The following VSTM4 variants were observed in gnomAD, a reference collection of about 807,000 sequenced individuals.
The protein encoded by VSTM4 is V-set and transmembrane domain-containing protein 4.
Under a neutral mutation model 36.4 loss-of-function variants are expected in VSTM4, and 20 were observed. The observed-to-expected ratio is 0.55, with a 90% CI of 0.39 to 0.80. The LOEUF (loss-of-function observed/expected upper bound fraction) is 0.80. VSTM4 is among the 30% of genes least tolerant of loss of function. The probability of loss-of-function intolerance (pLI) is 0.00; values close to 1 mark genes in which losing one functional copy is unlikely to be tolerated. For synonymous variants in VSTM4, 182 were observed against 173.9 expected, an observed-to-expected ratio of 1.05 and a Z score of -0.37; for missense variants, 392 against 404.5, an observed-to-expected ratio of 0.97 and a Z score of 0.26.
intron 2 of VSTM4, among the ~76,000 whole-genome samples, chr10:49,095,530 T>C (rs1194664146): frequency 6.6e-6 from 1 of 152,112 alleles, no homozygotes; most frequent in African/African-American, 2.4e-5. Context: ...TCTAAGTCCA[T>C]TGAGTTACTT....
At chr10:49,082,785 A>G (rs530734789) in intron 3 of VSTM4, among the ~76,000 whole-genome samples, 5 of 152,374 alleles carry the variant, frequency 3.3e-5, no homozygotes, top group African/African-American at 1.2e-4. Flanking sequence ...GTCTTTTGCC[A>G]TTGAACTTCC....
rs778379919 is a variant in VSTM4, at chr10:49,107,962, G to A, written c.89C>T (p.Pro30Leu). ...CTCCAGGTAGTCAACCACGGGCCCC[G>A]GGGACACAGTGACATTGAGGGCCGC... ...VCAALNVTVS[P>L]GPVVDYLEGE... The change falls in exon 2 of 8, where the codon CCG (proline) becomes CTG (leucine). Residue 30 changes from proline to leucine, a missense_variant. Physicochemically the swap from Pro to Leu is moderately conservative, Grantham distance 98. Transcript: ENST00000332853. 15 of 1,598,880 alleles carry A rather than the reference G, an allele frequency of 9.4e-6. No individual in the cohort carries two copies. Among genetic ancestry groups the A allele is most frequent in the East Asian group, 6.8e-5 (3 of 44,364 alleles).
At chr10:49,039,143 G>C (rs1416287986) in intron 7 of VSTM4, among the ~76,000 whole-genome samples, 1 of 152,126 alleles carries the variant, frequency 6.6e-6, no homozygotes, top group African/African-American at 2.4e-5. Context: ...GGGGCAGAGG[G>C]GAGGAGGCCT....
Position 49,077,233 on chromosome 10 carries a change from T to G in VSTM4, c.620A>C (p.Lys207Thr), listed in dbSNP as rs766423427. Reference sequence around the variant, plus strand: ...TGTTTTCTTACCTCTGGATTTCCGCTTGTTAAACACAGACTGCCAGACGAT... The same window carrying G: ...TGTTTTCTTACCTCTGGATTTCCGCGTGTTAAACACAGACTGCCAGACGAT... ...LVIVWQSVFNKRKSRVRHYLV... is the reference protein window; with the variant it reads ...LVIVWQSVFNTRKSRVRHYLV... The change falls in exon 4 of 8, where the codon AAG (lysine) becomes ACG (threonine). Residue 207 changes from lysine (K) to threonine (T), a missense_variant. Coordinates refer to ENST00000332853, the MANE Select transcript of VSTM4 (RefSeq NM_001031746.5). 10 of 1,613,978 alleles carry G rather than the reference T, an allele frequency of 6.2e-6. No individual in the cohort carries two copies. The African/African-American group carries it at 1.2e-4, about 19-fold the overall frequency.
At chr10:49,089,315 AC>A (rs997817598) in intron 2 of VSTM4, among the ~76,000 whole-genome samples, 2 of 151,960 alleles carry the variant, frequency 1.3e-5, no homozygotes, top group African/African-American at 4.8e-5. Flanking sequence ...TCTAACCTCC[AC>A]CCCCGCCAAC....
chr10:49,071,048 T>A (rs1808102194), intron 4 of VSTM4, among the ~76,000 whole-genome samples: 1 of 152,282 alleles, frequency 6.6e-6, no homozygotes, highest in South Asian at 2.1e-4. Context: ...TTCATCCTCA[T>A]GGAGAAGCAG....
intron 7 of VSTM4, among the ~76,000 whole-genome samples, chr10:49,022,121 AT>A (rs35764389): frequency 4.6e-4 from 53 of 115,018 alleles, no homozygotes; most frequent in Middle Eastern, 4.5e-3. Context: ...TAATGCATTT[AT>A]TTTTTTTTAT....
chr10:49,101,063 C>T (rs2132018235), intron 2 of VSTM4, among the ~76,000 whole-genome samples: 1 of 152,032 alleles, frequency 6.6e-6, no homozygotes, highest in African/African-American at 2.4e-5. Flanking sequence ...TTTTAATCAT[C>T]TAAAAATATT....
chr10:49,026,953 T>C (rs1177235469), intron 7 of VSTM4, among the ~76,000 whole-genome samples: 1 of 152,152 alleles, frequency 6.6e-6, no homozygotes, highest in Non-Finnish European at 1.5e-5. Flanking sequence ...TCCCTGAAAC[T>C]TCTCTAACAG....
At position 49,077,223 on chromosome 10, in the gene VSTM4, G is replaced by A. The variant is rs368733283; in HGVS notation, c.630C>T (p.Ser210=). The change falls in exon 4 of 8, where the codon TCC becomes TCT. Residue 210 remains serine (S), a synonymous_variant. Transcript: ENST00000332853. ...TGACCTTATCTGTTTTCTTACCTCT[G>A]GATTTCCGCTTGTTAAACACAGACT... ...VWQSVFNKRK[S]RVRHYLVKCP... is the part of the protein sequence containing the mutation. The A allele has an allele frequency of 5.0e-6, 8 of 1,613,724 alleles. No homozygotes were observed. Among genetic ancestry groups the A allele is most frequent in the Non-Finnish European group, 6.8e-6 (8 of 1,180,024 alleles).
At chr10:49,091,712 C>T (rs1844478193) in intron 2 of VSTM4, among the ~76,000 whole-genome samples, 1 of 152,222 alleles carries the variant, frequency 6.6e-6, no homozygotes, top group East Asian at 1.9e-4. Context: ...ACCAAGGACG[C>T]TGACATGCTT....
intron 1 of VSTM4, among the ~76,000 whole-genome samples, chr10:49,108,544 T>C (rs1844833834): frequency 2.6e-5 from 4 of 152,238 alleles, no homozygotes. Context: ...CTGACTCCGC[T>C]ATTTCAACTG....
In VSTM4 at chr10:49,080,002, GT is replaced by G. The variant is rs1844250763; in HGVS notation, c.527-2677del. 2.6e-5 allele frequency among the ~76,000 whole-genome samples: 4 copies of G among 152,046 alleles called. No homozygotes were observed. The South Asian group carries it at 8.3e-4, about 32-fold the overall frequency. On this transcript the variant is annotated intron_variant, in intron 3 of 7. Transcript: ENST00000332853. ...AATCATTTTGAAAAATATGATAAAA[GT>G]TTATCATATTAATATATCAGCAATG...
chr10:49,106,793 AG>A (rs1463581516), intron 2 of VSTM4, among the ~76,000 whole-genome samples: 10 of 152,344 alleles, frequency 6.6e-5, no homozygotes, highest in African/African-American at 2.2e-4. Context: ...CGGGCTCCTC[AG>A]AGCCCCTTCT....
chr10:49,076,831 G>C (rs1221559443), intron 4 of VSTM4, among the ~76,000 whole-genome samples: 2 of 152,156 alleles, frequency 1.3e-5, no homozygotes, highest in African/African-American at 2.4e-5. Flanking sequence ...ATTCCACTGA[G>C]GGAAGAGGGT....
At chr10:49,110,689 G>A (rs1844877326) in intron 1 of VSTM4, among the ~76,000 whole-genome samples, 1 of 152,006 alleles carries the variant, frequency 6.6e-6, no homozygotes, top group Non-Finnish European at 1.5e-5. Context: ...TATAAGAAGA[G>A]GAGATAAGAA....
chr10:49,050,067 C>G (rs368530233), intron 5 of VSTM4, among the ~76,000 whole-genome samples: 17 of 149,942 alleles, frequency 1.1e-4, no homozygotes, highest in African/African-American at 4.2e-4. Context: ...TCAGCAGGGA[C>G]TAGTTGAGTA....
In VSTM4 at chr10:49,015,114, T is replaced by C. The variant is rs1175267975; in HGVS notation, c.*4536A>G. Reference sequence around the variant, plus strand: ...CTATCCCAGACCTCCTGAGCCAGGATCTACATTTTTTTTTTTTTTTTTTTT... The same window carrying C: ...CTATCCCAGACCTCCTGAGCCAGGACCTACATTTTTTTTTTTTTTTTTTTT... On this transcript the variant is annotated 3_prime_UTR_variant, in exon 8 of 8. Transcript: ENST00000332853. The C allele has an allele frequency of 2.4e-5, 3 of 126,022 alleles. No homozygotes were observed. The highest frequency in any genetic ancestry group is 4.7e-4 in the East Asian group (2 of 4,224). 7.8% of individuals were successfully genotyped at this position (126,022 alleles called of 1,614,324 possible).
chr10:49,061,704 AT>A (rs1843881016), intron 5 of VSTM4, among the ~76,000 whole-genome samples: 1 of 152,074 alleles, frequency 6.6e-6, no homozygotes, highest in African/African-American at 2.4e-5. Flanking sequence ...CACCTGATTT[AT>A]TTTATTGTTT....
Sources: allele counts gnomAD v4.1 joint callset (sites outside exome capture counted in the v4.1 genomes callset), GRCh38; gene constraint gnomAD v4.1.1; transcripts MANE v1.5; gene names NCBI Gene and HGNC (gene_info 2026-07-23, HGNC 2026-07-21).